UTRN: variants seen among roughly 807,000 people sequenced by gnomAD.
UTRN encodes utrophin.
UTRN carries 283 observed loss-of-function variants against 463.9 expected under a neutral mutation model. The ratio of observed to expected loss-of-function variants is 0.61; its 90% CI spans 0.55 to 0.67. The LOEUF (loss-of-function observed/expected upper bound fraction) is 0.67, where lower values mean the gene tolerates loss of function less well. UTRN is among the 30% of genes least tolerant of loss of function. The pLI is 0.00. For synonymous variants in UTRN, 1,442 were observed against 1,431.5 expected (o/e 1.01, Z -0.17); for missense variants, 3,922 against 4,084.3 (o/e 0.96, Z 1.08).
At chr6:144,429,810 C>T (rs1785635384) in intron 9 of UTRN, 69 bp downstream of exon 9, 1 of 1,531,364 alleles carries the variant, frequency 6.5e-7, no homozygotes, top group Admixed American at 2.2e-5. Flanking sequence ...TAGATAAAAA[C>T]ACTTTTAGAG....
chr6:144,751,647 G>GA (rs1157558264), intron 55 of UTRN, among the ~76,000 whole-genome samples, 159 bp from the exon 56 acceptor site: 4 of 152,088 alleles, frequency 2.6e-5, no homozygotes, highest in Admixed American at 6.6e-5. Context: ...ATGTTTGGTT[G>GA]AAAAAAATCT....
chr6:144,385,181 C>T (rs893404645), intron 2 of UTRN, among the ~76,000 whole-genome samples: 8 of 152,054 alleles, frequency 5.3e-5, no homozygotes, highest in South Asian at 2.1e-4. Flanking sequence ...TGCAGAAAAA[C>T]GCTAGGTTTT....
At chr6:144,504,995 T>A (rs1347754575) in intron 34 of UTRN, among the ~76,000 whole-genome samples, 3 of 152,224 alleles carry the variant, frequency 2.0e-5, no homozygotes, top group African/African-American at 7.2e-5. Context: ...TATGAGGGTG[T>A]ATGTGTCCTG....
intron 51 of UTRN, among the ~76,000 whole-genome samples, chr6:144,676,240 C>T (rs998665491): frequency 1.3e-5 from 2 of 151,852 alleles, no homozygotes; most frequent in Non-Finnish European, 2.9e-5. Context: ...TTATACTTAG[C>T]CAGAAATTTT....
chr6:144,670,550 T>C (rs564445782), intron 51 of UTRN, among the ~76,000 whole-genome samples: 226 of 152,264 alleles, frequency 1.5e-3, no homozygotes, highest in Non-Finnish European at 1.9e-3. Context: ...ATGCATAGTT[T>C]GTGAATATTT....
intron 51 of UTRN, among the ~76,000 whole-genome samples, chr6:144,664,637 T>C (rs890456844): frequency 6.6e-6 from 1 of 151,964 alleles, no homozygotes; most frequent in African/African-American, 2.4e-5. Context: ...AATGCTGCTG[T>C]AGACCTGATG....
chr6:144,447,101 T>A (rs890549406), intron 14 of UTRN, 110 bp from the exon 15 acceptor site: 1 of 932,626 alleles, frequency 1.1e-6, no homozygotes, highest in Non-Finnish European at 1.6e-6. Flanking sequence ...CTTATCCCCA[T>A]GTAAGGGTGA....
At chr6:144,747,240 G>A (rs537058041) in intron 54 of UTRN, among the ~76,000 whole-genome samples, 1 of 152,180 alleles carries the variant, frequency 6.6e-6, no homozygotes, top group African/African-American at 2.4e-5. Context: ...TCAAATTAAT[G>A]TACAGTTTAT....
chr6:144,366,014 A>G (rs113805402), intron 2 of UTRN, among the ~76,000 whole-genome samples: 3,729 of 152,174 alleles, frequency 0.025, 149 homozygotes, highest in African/African-American at 0.083. Flanking sequence ...CTGGGATTAC[A>G]GGCGTGAGCC....
At chr6:144,725,233 C>T (rs531938291) in intron 53 of UTRN, among the ~76,000 whole-genome samples, 14 of 152,348 alleles carry the variant, frequency 9.2e-5, no homozygotes, top group African/African-American at 2.2e-4. Flanking sequence ...TCTTGCCTCC[C>T]GCCATGTAAG....
chr6:144,347,646 C>T (rs952870754), intron 2 of UTRN, among the ~76,000 whole-genome samples: 1 of 152,084 alleles, frequency 6.6e-6, no homozygotes, highest in African/African-American at 2.4e-5. Flanking sequence ...GGTGGCTGAT[C>T]TGGGGGAATG....
chr6:144,712,964 C>T (rs1785906106), intron 53 of UTRN, among the ~76,000 whole-genome samples: 1 of 152,136 alleles, frequency 6.6e-6, no homozygotes, highest in African/African-American at 2.4e-5. Context: ...TGTGATGATA[C>T]TTAGAATAAG....
At chr6:144,516,169 G>A in intron 37 of UTRN, 60 bp from the exon 38 acceptor site, 1 of 1,548,744 alleles carries the variant, frequency 6.5e-7, no homozygotes, top group African/African-American at 1.4e-5. Context: ...CCATCTCTCT[G>A]ATTAATGATG....
chr6:144,771,716 C>T (rs910109668), intron 58 of UTRN, among the ~76,000 whole-genome samples, 191 bp from the exon 59 acceptor site: 7 of 152,012 alleles, frequency 4.6e-5, no homozygotes, highest in African/African-American at 1.7e-4. Flanking sequence ...AGAGCCACTG[C>T]CCCTGGCCAA....
chr6:144,521,716 T>A (rs1293487237), intron 39 of UTRN, among the ~76,000 whole-genome samples: 2 of 152,124 alleles, frequency 1.3e-5, no homozygotes, highest in Non-Finnish European at 2.9e-5. Context: ...TAACTGAGTT[T>A]AGATGGCATA....
chr6:144,843,370 A>G (rs1781756197), intron 73 of UTRN, among the ~76,000 whole-genome samples: 1 of 152,102 alleles, frequency 6.6e-6, no homozygotes, highest in Admixed American at 6.6e-5. Flanking sequence ...TAAAGAATTT[A>G]CTCTTAAATT....
At chr6:144,357,905 G>C (rs1778710106) in intron 2 of UTRN, among the ~76,000 whole-genome samples, 1 of 152,236 alleles carries the variant, frequency 6.6e-6, no homozygotes, top group Non-Finnish European at 1.5e-5. Context: ...ATTCCTTGCT[G>C]TAGGGAGAGG....
At chr6:144,558,986 T>C (rs554250857) in intron 50 of UTRN, among the ~76,000 whole-genome samples, 1 of 152,312 alleles carries the variant, frequency 6.6e-6, no homozygotes, top group South Asian at 2.1e-4. Context: ...ATGCTCTGTC[T>C]TTGTGTTTCC....
chr6:144,746,138 C>T (rs958239530), intron 54 of UTRN, among the ~76,000 whole-genome samples: 3 of 151,538 alleles, frequency 2.0e-5, no homozygotes, highest in Admixed American at 1.3e-4. Context: ...GCAGCTGGGA[C>T]TACAGGCATG....
Sources: gnomAD v4.1 joint callset for allele counts (sites outside exome capture counted in the v4.1 genomes callset) on GRCh38, gnomAD v4.1.1 for gene constraint, MANE v1.5 for transcripts, NCBI Gene and HGNC (gene_info 2026-07-23, HGNC 2026-07-21) for gene names.